Variants in OXCT1 observed in about 807,000 individuals in gnomAD.
OXCT1 encodes succinyl-CoA:3-ketoacid coenzyme A transferase 1, mitochondrial.
OXCT1 carries 27 observed loss-of-function variants against 69.6 expected under a neutral mutation model. That is an observed-to-expected ratio of 0.39 (90% CI 0.29 to 0.54). The LOEUF (loss-of-function observed/expected upper bound fraction) is 0.54, where lower values mean the gene tolerates loss of function less well. Ranked by LOEUF, OXCT1 falls within the 20% of genes least tolerant of loss-of-function variation. The pLI, the probability that OXCT1 is intolerant of heterozygous loss-of-function variation, is 0.72. For synonymous variants in OXCT1, 202 were observed against 217.8 expected, an observed-to-expected ratio of 0.93 and a Z score of 0.64; for missense variants, 437 against 650.2, an observed-to-expected ratio of 0.67 and a Z score of 3.57.
At chr5:41,745,642 T>G (rs565799639) in intron 15 of OXCT1, among the ~76,000 whole-genome samples, 128 of 152,110 alleles carry the variant, frequency 8.4e-4, no homozygotes, top group African/African-American at 3.0e-3. Context: ...ACAAAATTGA[T>G]AGACCGCTAG....
At position 41,870,316 on chromosome 5, in the gene OXCT1, C is replaced by A; in HGVS notation, c.43G>T (p.Ala15Ser). 1 of 1,614,014 alleles carries A rather than the reference C, an allele frequency of 6.2e-7. No homozygotes were observed. Among genetic ancestry groups the A allele is most frequent in the Non-Finnish European group, 8.5e-7 (1 of 1,179,916 alleles). ...KLLSSGLRLC[A>S]SARGSGATWY... The stretch of plus-strand genomic sequence containing the variant: ...GTTGCCCCAGATCCGCGGGCAGAGG[C>A]GCAGAGCCGAAGCCCGGAGGAGAGG... The change falls in exon 1 of 17, where the codon GCC becomes TCC. Residue 15 changes from alanine (A) to serine (S), a missense_variant. Around this residue, in one of 4 missense-constraint regions of OXCT1, gnomAD observed 79 missense variants for 61.5 expected, o/e 1.28. Transcript: ENST00000196371. This position sits in a 1 kb window ranked among gnomAD's most constrained non-coding sequence, Gnocchi z 4.2.
At position 41,842,743 on chromosome 5, in the gene OXCT1, T is replaced by G; in HGVS notation, c.603A>C (p.Glu201Asp). ...CCAAAGCAAAATCCCCTGTAATTGC[T>G]TCCTCCAAAATAAAGTGCTGACCAT... ...EFNGQHFILE[E>D]AITGDFALVK... The change falls in exon 6 of 17, where the codon GAA becomes GAC. Residue 201 changes from glutamate to aspartate, a missense_variant. Physicochemically the swap from Glu to Asp is conservative, Grantham distance 45. Around this residue, in one of 4 missense-constraint regions of OXCT1, gnomAD observed 252 missense variants for 397.4 expected, o/e 0.63. Transcript: ENST00000196371. 1 of 1,613,846 alleles carries G rather than the reference T, an allele frequency of 6.2e-7. No individual in the cohort carries two copies. The highest frequency in any genetic ancestry group is 8.5e-7 in the Non-Finnish European group (1 of 1,179,744).
Position 41,858,339 on chromosome 5 carries a change from C to T in OXCT1, c.278+2975G>A, listed in dbSNP as rs187798265. On this transcript the variant is annotated intron_variant, in intron 3 of 16. Transcript: ENST00000196371. ...CAAGTCCCTTACCTATAAAGGCTTA[C>T]AAGATAAAGAAAAATAGATGTGATC... Among the ~76,000 whole-genome samples, 11 of 152,106 alleles carry T rather than the reference C, an allele frequency of 7.2e-5. No individual in the cohort carries two copies. In the East Asian group the frequency reaches 2.1e-3, roughly 29 times the overall value.
In OXCT1 at chr5:41,794,034, T is replaced by C; in HGVS notation, c.1217A>G (p.Lys406Arg). The C allele has an allele frequency of 1.9e-6, 3 of 1,612,748 alleles. No individual in the cohort carries two copies. The highest frequency in any genetic ancestry group is 2.5e-6 in the Non-Finnish European group (3 of 1,178,774). ...LTMLGAMQVS[K>R]YGDLANWMIP... ...CATCCAGTTAGCCAGGTCACCATAT[T>C]TGGAAACCTGCATCGCTCCTAGCAT... The change falls in exon 13 of 17, where the codon AAA (lysine) becomes AGA (arginine). Residue 406 changes from lysine to arginine, a missense_variant. Physicochemically the swap from Lys to Arg is conservative, Grantham distance 26. Coordinates refer to ENST00000196371, the MANE Select transcript of OXCT1 (RefSeq NM_000436.4).
chr5:41,838,837 G>A (rs944576826), intron 7 of OXCT1, among the ~76,000 whole-genome samples: 2 of 152,066 alleles, frequency 1.3e-5, no homozygotes, highest in African/African-American at 4.8e-5. Flanking sequence ...GAACATCTAG[G>A]CTCAAGCGAT....
intron 7 of OXCT1, among the ~76,000 whole-genome samples, chr5:41,827,520 T>C (rs1747864412): frequency 2.0e-5 from 3 of 152,206 alleles, no homozygotes; most frequent in Admixed American, 6.5e-5. Flanking sequence ...TGCAAAGTAA[T>C]ATCAAACACA....
At chr5:41,855,255 G>A (rs1233674273) in intron 3 of OXCT1, among the ~76,000 whole-genome samples, 1 of 152,194 alleles carries the variant, frequency 6.6e-6, no homozygotes, top group Non-Finnish European at 1.5e-5. Flanking sequence ...GATTAATATT[G>A]GTAGTGGGAG....
intron 15 of OXCT1, among the ~76,000 whole-genome samples, chr5:41,747,885 TC>T (rs1468130280): frequency 6.6e-6 from 1 of 152,056 alleles, no homozygotes; most frequent in Non-Finnish European, 1.5e-5. Context: ...TTTCTCTATG[TC>T]CCTAGATTAG....
chr5:41,776,167 A>C (rs957493090), intron 13 of OXCT1, among the ~76,000 whole-genome samples: 2 of 152,184 alleles, frequency 1.3e-5, no homozygotes, highest in African/African-American at 4.8e-5. Context: ...TATGAGAAAA[A>C]CATCAGACAA....
Position 41,857,564 on chromosome 5 carries a change from A to G in OXCT1, c.278+3750T>C, listed in dbSNP as rs148517829. Among the ~76,000 whole-genome samples the G allele has an allele frequency of 5.8e-4, 88 of 152,260 alleles. 1 individual carries two copies. Among genetic ancestry groups the G allele is most frequent in the African/African-American group, 2.1e-3 (86 of 41,542 alleles). On this transcript the variant is annotated intron_variant, in intron 3 of 16. Transcript: ENST00000196371. ...CCATCAAGAGGATGTGGGTGAGGGG[A>G]AAATGTTGGGATTTATATTCCTCTG...
chr5:41,794,004 G>T lies in OXCT1; in HGVS notation c.1247C>A (p.Pro416His). Residue 416 changes from proline (P) to histidine (H), a missense_variant and splice_region_variant, in exon 13 of 17, where the codon CCT becomes CAT. Pro to His is a moderately conservative substitution (Grantham distance 77). Around this residue, in one of 4 missense-constraint regions of OXCT1, gnomAD observed 102 missense variants for 162.1 expected, o/e 0.63. Transcript: ENST00000196371. ...TCAGAATAAAAAATGTCTACTTACA[G>T]GTATCATCCAGTTAGCCAGGTCACC... ...KYGDLANWMI[P>H]GKMVKGMGGA... is the part of the protein sequence containing the mutation. 1 of 1,587,340 alleles carries T rather than the reference G, an allele frequency of 6.3e-7. No homozygotes were observed. The highest frequency in any genetic ancestry group is 8.7e-7 in the Non-Finnish European group (1 of 1,155,678).
chr5:41,846,228 C>T (rs1343852788), intron 5 of OXCT1, among the ~76,000 whole-genome samples: 2 of 149,688 alleles, frequency 1.3e-5, no homozygotes, highest in African/African-American at 4.9e-5. Context: ...TGTGCTGCAC[C>T]CACTAACTCG....
At chr5:41,803,266 G>C (rs1746508767) in intron 9 of OXCT1, 103 bp from the exon 10 acceptor site, 1 of 763,320 alleles carries the variant, frequency 1.3e-6, no homozygotes, top group African/African-American at 1.7e-5. Flanking sequence ...TTTAAAGGTG[G>C]CTTACTCTGA....
chr5:41,749,125 A>C (rs1001925206), intron 15 of OXCT1, among the ~76,000 whole-genome samples: 4 of 152,132 alleles, frequency 2.6e-5, no homozygotes, highest in Non-Finnish European at 5.9e-5. Context: ...ATTTGCACTG[A>C]AACAATTAAA....
chr5:41,744,997 C>A (rs960678585), intron 15 of OXCT1, among the ~76,000 whole-genome samples: 2 of 152,084 alleles, frequency 1.3e-5, no homozygotes, highest in African/African-American at 4.8e-5. Context: ...ATCAACGAGA[C>A]AGAAAGGTAA....
intron 13 of OXCT1, among the ~76,000 whole-genome samples, chr5:41,785,658 G>C (rs946609638): frequency 2.0e-5 from 3 of 152,166 alleles, no homozygotes; most frequent in Non-Finnish European, 4.4e-5. Context: ...TGATAGAAGA[G>C]CTAGGGGATA....
intron 13 of OXCT1, among the ~76,000 whole-genome samples, chr5:41,778,892 G>A (rs1333848834): frequency 1.3e-5 from 2 of 152,076 alleles, no homozygotes; most frequent in African/African-American, 4.8e-5. Context: ...AACGCCCTTT[G>A]GGAGAAGAAC....
At chr5:41,783,648 C>T (rs750517963) in intron 13 of OXCT1, among the ~76,000 whole-genome samples, 21 of 152,086 alleles carry the variant, frequency 1.4e-4, no homozygotes, top group Non-Finnish European at 2.5e-4. Context: ...GACCAAAATC[C>T]CACTCTATGC....
intron 3 of OXCT1, among the ~76,000 whole-genome samples, chr5:41,859,481 C>T (rs1044180322): frequency 3.9e-5 from 6 of 152,064 alleles, no homozygotes; most frequent in African/African-American, 1.4e-4. Context: ...GAAATACATT[C>T]CCATTGACAG....
Sources: gnomAD v4.1 joint callset for allele counts (sites outside exome capture counted in the v4.1 genomes callset) on GRCh38, gnomAD v4.1.1 for gene constraint, gnomAD v4.1.1 regional missense constraint, Gnocchi (gnomAD v3.1) non-coding constraint, MANE v1.5 for transcripts, NCBI Gene and HGNC (gene_info 2026-07-23, HGNC 2026-07-21) for gene names.